The following VPS13B variants were observed in gnomAD, a reference collection of about 807,000 sequenced individuals.
VPS13B encodes the protein vacuolar protein sorting 13 homolog B, also known as intermembrane lipid transfer protein VPS13B.
VPS13B carries 285 observed loss-of-function variants against 426.4 expected under a neutral mutation model. The ratio of observed to expected loss-of-function variants is 0.67; its 90% CI spans 0.61 to 0.74. VPS13B has a LOEUF of 0.74. Among genes scored for constraint, VPS13B ranks in the 30% least tolerant of loss-of-function variants. The pLI is 0.00. For missense variants in VPS13B, 4,537 were observed against 4,782.6 expected (o/e 0.95, Z 1.51); for synonymous variants, 1,676 against 1,676.4 (o/e 1.00, Z 0.01).
intron 40 of VPS13B, among the ~76,000 whole-genome samples, chr8:99,768,381 C>T (rs935644056): frequency 7.2e-5 from 11 of 152,158 alleles, no homozygotes; most frequent in South Asian, 2.1e-4. Flanking sequence ...TATGTGTACA[C>T]GCTTTTACAA....
At chr8:99,076,593 T>TTA (rs987441504) in intron 3 of VPS13B, among the ~76,000 whole-genome samples, 11 of 149,016 alleles carry the variant, frequency 7.4e-5, no homozygotes, top group Admixed American at 6.8e-5. Context: ...ATTGATCCTT[T>TTA]TATAATTAAT....
At position 99,125,143 on chromosome 8, in the gene VPS13B, C is replaced by T. The variant is rs113927030; in HGVS notation, c.1206+3698C>T. The stretch of plus-strand genomic sequence containing the variant: ...TCTGCAAGTTGAGGAGCAAGTAAGC[C>T]AGTGATGGATCAGTCGGAGTCCCAA... On this transcript the variant is annotated intron_variant, in intron 8 of 61. Transcript: ENST00000357162. Among the ~76,000 whole-genome samples, 1,277 of 152,250 alleles carry T rather than the reference C, an allele frequency of 8.4e-3. 21 individuals are homozygous for T. Among genetic ancestry groups the T allele is most frequent in the African/African-American group, 0.029 (1,213 of 41,532 alleles).
At chr8:99,618,242 TAA>T (rs1828190555) in intron 33 of VPS13B, among the ~76,000 whole-genome samples, 1 of 151,042 alleles carries the variant, frequency 6.6e-6, no homozygotes, top group African/African-American at 2.4e-5. Flanking sequence ...AATGTACTAT[TAA>T]TGTATTTCCT....
chr8:99,791,234 G>A (rs1038947089), intron 43 of VPS13B, among the ~76,000 whole-genome samples: 1 of 152,236 alleles, frequency 6.6e-6, no homozygotes, highest in South Asian at 2.1e-4. Flanking sequence ...GTAGTGGTGG[G>A]GAACCCCTGA....
intron 2 of VPS13B, among the ~76,000 whole-genome samples, chr8:99,037,759 T>C (rs1037418488): frequency 3.6e-4 from 55 of 151,976 alleles, no homozygotes; most frequent in African/African-American, 1.3e-3. Flanking sequence ...CTAATGATAA[T>C]GAAAAGCAGT....
chr8:99,057,461 G>A (rs1338795339), intron 3 of VPS13B, among the ~76,000 whole-genome samples: 1 of 151,968 alleles, frequency 6.6e-6, no homozygotes, highest in African/African-American at 2.4e-5. Flanking sequence ...CCCTGTCTCT[G>A]GCTCCTGTTG....
At chr8:99,763,150 A>AG (rs1811028642) in intron 39 of VPS13B, among the ~76,000 whole-genome samples, 1 of 150,210 alleles carries the variant, frequency 6.7e-6, no homozygotes, top group African/African-American at 2.4e-5. Context: ...AAAAAAAAAA[A>AG]AAAAAAAAAA....
intron 19 of VPS13B, among the ~76,000 whole-genome samples, chr8:99,330,399 G>A (rs1221902267): frequency 1.3e-5 from 2 of 151,734 alleles, no homozygotes; most frequent in Admixed American, 1.3e-4. Flanking sequence ...GGGAATTCAG[G>A]AATTTAATCA....
intron 19 of VPS13B, among the ~76,000 whole-genome samples, chr8:99,327,166 T>C (rs1810322191): frequency 6.6e-6 from 1 of 152,176 alleles, no homozygotes; most frequent in Non-Finnish European, 1.5e-5. Flanking sequence ...TGTGTCATGA[T>C]TGATGGTGTC....
At chr8:99,826,458 AG>A (rs1814688703) in intron 51 of VPS13B, among the ~76,000 whole-genome samples, 2 of 152,212 alleles carry the variant, frequency 1.3e-5, no homozygotes, top group Non-Finnish European at 2.9e-5. Context: ...TATCAACTTA[AG>A]GAGATTTGGG....
chr8:99,422,380 G>A (rs1343912470), intron 21 of VPS13B, among the ~76,000 whole-genome samples: 1 of 152,010 alleles, frequency 6.6e-6, no homozygotes, highest in Non-Finnish European at 1.5e-5. Flanking sequence ...ATTGCTTGAC[G>A]GTGGTTTAAT....
intron 13 of VPS13B, 144 bp downstream of exon 13, chr8:99,143,309 AAAG>A: frequency 2.0e-6 from 2 of 1,007,664 alleles, no homozygotes; most frequent in Non-Finnish European, 3.0e-6. Flanking sequence ...CTGTTTATTT[AAAG>A]AATAAACTTG....
Position 99,511,339 on chromosome 8 carries a change from C to G in VPS13B, c.4460C>G (p.Ala1487Gly). Residue 1487 changes from alanine (A) to glycine (G), a missense_variant, in exon 29 of 62, where the codon GCA becomes GGA. By Grantham distance (60) the Ala-to-Gly change is moderately conservative. Coordinates refer to ENST00000357162, the MANE Select transcript of VPS13B (RefSeq NM_152564.5). ...TATTTTCCTTTACTTAATGCCATTG[C>G]AAGTATATTTCAAGCAAAACTACCA... ...VLYFPLLNAIASIFQAKLPKT... is the reference protein window; with the variant it reads ...VLYFPLLNAIGSIFQAKLPKT... 2.5e-6 allele frequency: 4 copies of G among 1,613,920 alleles called. No homozygotes were observed. Among genetic ancestry groups the G allele is most frequent in the Non-Finnish European group, 3.4e-6 (4 of 1,179,972 alleles).
At chr8:99,819,332 G>T in intron 47 of VPS13B, 80 bp from the exon 48 acceptor site, 4 of 1,499,938 alleles carry the variant, frequency 2.7e-6, no homozygotes, top group Admixed American at 1.7e-5. Flanking sequence ...TAATACATTT[G>T]TAGTTAGATA....
Position 99,143,164 on chromosome 8 carries a change from A to T in VPS13B, c.1842A>T (p.Ser614=). Residue 614 remains serine, a splice_region_variant and synonymous_variant, in exon 13 of 62, where the codon TCA becomes TCT. Coordinates refer to ENST00000357162, the MANE Select transcript of VPS13B (RefSeq NM_152564.5). ...ATGAACCATATAGCAGGCTAAAATC[A>T]GGTTTGTTTCTGGATTAATTTTGAA... ...HEYEPYSRLK[S]DIKDENETIL... is the part of the protein sequence containing the mutation. The T allele has an allele frequency of 6.2e-7, 1 of 1,613,990 alleles. No individual in the cohort carries two copies. Among genetic ancestry groups the T allele is most frequent in the Non-Finnish European group, 8.5e-7 (1 of 1,179,926 alleles).
At chr8:99,163,814 C>T (rs556900403) in intron 15 of VPS13B, among the ~76,000 whole-genome samples, 11 of 152,306 alleles carry the variant, frequency 7.2e-5, no homozygotes, top group Admixed American at 4.6e-4. Flanking sequence ...AGGGAGTGGG[C>T]TCCAGCCTTG....
Position 99,821,232 on chromosome 8 carries a change from A to C in VPS13B, c.8995-62A>C. ...TAATATTAAAAAAAAAATCCTGAGGATTGAAGTAAAAAATATCAAAGGTAA... is the reference window on the plus strand; with the variant it reads ...TAATATTAAAAAAAAAATCCTGAGGCTTGAAGTAAAAAATATCAAAGGTAA... On this transcript the variant is annotated intron_variant, in intron 49 of 61. Transcript: ENST00000357162. 4 of 1,565,338 alleles carry C rather than the reference A, an allele frequency of 2.6e-6. No homozygotes were observed. In the African/African-American group the frequency reaches 4.1e-5, roughly 16 times the overall value.
chr8:99,050,270 T>A (rs144453292), intron 3 of VPS13B, among the ~76,000 whole-genome samples: 1,666 of 152,008 alleles, frequency 0.011, 15 homozygotes, highest in Non-Finnish European at 0.015. Flanking sequence ...CACCTATAAG[T>A]GAGAACATGC....
At chr8:99,465,834 T>C (rs962411743) in intron 23 of VPS13B, among the ~76,000 whole-genome samples, 6 of 152,008 alleles carry the variant, frequency 3.9e-5, no homozygotes, top group Non-Finnish European at 7.4e-5. Flanking sequence ...TGACCACATA[T>C]TATTATGCAG....
Sources: allele counts gnomAD v4.1 joint callset (sites outside exome capture counted in the v4.1 genomes callset), GRCh38; gene constraint gnomAD v4.1.1; transcripts MANE v1.5; gene names NCBI Gene and HGNC (gene_info 2026-07-23, HGNC 2026-07-21).